Variants in CACNA1D observed in about 807,000 individuals in gnomAD.
CACNA1D encodes voltage-dependent L-type calcium channel subunit alpha-1D.
In CACNA1D, 55 loss-of-function variants were observed where a neutral mutation model predicts 257.1. The observed-to-expected ratio is 0.21, with a 90% CI of 0.17 to 0.27. The LOEUF (loss-of-function observed/expected upper bound fraction) is 0.27. CACNA1D is among the 10% of genes least tolerant of loss of function. CACNA1D has a pLI of 1.00. For missense variants in CACNA1D, 1,876 were observed against 2,784.0 expected (o/e 0.67, Z 7.34); for synonymous variants, 980 against 1,014.9 (o/e 0.97, Z 0.65).
At chr3:53,573,746 G>C (rs2092989204) in intron 3 of CACNA1D, among the ~76,000 whole-genome samples, 1 of 152,132 alleles carries the variant, frequency 6.6e-6, no homozygotes, top group Non-Finnish European at 1.5e-5. Flanking sequence ...CTCTATACAT[G>C]GTTGAATGAA....
chr3:53,643,821 C>CTTCGCCCTGAACAG (rs1256738754), intron 3 of CACNA1D, among the ~76,000 whole-genome samples: 1 of 152,194 alleles, frequency 6.6e-6, no homozygotes, highest in Non-Finnish European at 1.5e-5. Flanking sequence ...GTGGACTGCT[C>CTTCGCCCTGAACAG]TTCGCCCTGA....
At chr3:53,683,440 A>G (rs550397455) in intron 8 of CACNA1D, among the ~76,000 whole-genome samples, 2 of 152,346 alleles carry the variant, frequency 1.3e-5, no homozygotes, top group South Asian at 4.1e-4. Context: ...AATGGCCAAT[A>G]AATTAAACAC....
At position 53,811,476 on chromosome 3, in the gene CACNA1D, T is replaced by C. The variant is rs1217776783; in HGVS notation, c.*70T>C. 5 of 1,340,344 alleles carry C rather than the reference T, an allele frequency of 3.7e-6. No homozygotes were observed. The African/African-American group carries it at 4.4e-5, about 12-fold the overall frequency. The allele number at this position is 1,340,344 out of a possible 1,614,324, so 83.0% of individuals were successfully genotyped here. A position where few individuals can be genotyped will look rare whatever the true frequency, so the allele number is the denominator to read the frequency against. On this transcript the variant is annotated 3_prime_UTR_variant, in exon 48 of 48. Transcript: ENST00000350061. This position sits in a 1 kb window ranked among gnomAD's most constrained non-coding sequence, Gnocchi z 4.2. Reference sequence around the variant, plus strand: ...GGAGAGCCAGGGGAAAAGTGCCTCATAGTTAGGAAAGTTTAGGCACTAGTT... The same window carrying C: ...GGAGAGCCAGGGGAAAAGTGCCTCACAGTTAGGAAAGTTTAGGCACTAGTT...
chr3:53,649,512 C>A (rs1237822748), intron 3 of CACNA1D, among the ~76,000 whole-genome samples: 1 of 152,092 alleles, frequency 6.6e-6, no homozygotes, highest in Admixed American at 6.5e-5. Flanking sequence ...ACATTCAAAA[C>A]TTCCCCCTCC....
intron 3 of CACNA1D, among the ~76,000 whole-genome samples, chr3:53,639,656 G>A (rs2093927281): frequency 6.6e-6 from 1 of 152,074 alleles, no homozygotes; most frequent in Non-Finnish European, 1.5e-5. Context: ...AAAGTGCTGG[G>A]ATTACAGGTG....
At chr3:53,805,946 TCATCTTCCCTCCTCCTC>T (rs2095562082) in intron 45 of CACNA1D, among the ~76,000 whole-genome samples, 1 of 121,972 alleles carries the variant, frequency 8.2e-6, no homozygotes, top group Non-Finnish European at 1.7e-5. Context: ...TCCTCCTCCC[TCATCTTCCCTCCTCCTC>T]CCTCCCTCAT....
chr3:53,556,648 T>C (rs2092649760), intron 3 of CACNA1D, among the ~76,000 whole-genome samples: 1 of 152,134 alleles, frequency 6.6e-6, no homozygotes, highest in South Asian at 2.1e-4. Context: ...TTTTATCAGA[T>C]ATGTGATTTG....
intron 5 of CACNA1D, among the ~76,000 whole-genome samples, chr3:53,662,997 G>C (rs138807012): frequency 6.6e-6 from 1 of 152,296 alleles, no homozygotes; most frequent in Non-Finnish European, 1.5e-5. Flanking sequence ...CTTGTAGGAG[G>C]TAAAAATATT....
intron 3 of CACNA1D, among the ~76,000 whole-genome samples, chr3:53,524,348 C>G (rs1278672591): frequency 6.6e-6 from 1 of 152,232 alleles, no homozygotes; most frequent in Non-Finnish European, 1.5e-5. Flanking sequence ...TCTTATTTAA[C>G]AGTGGAACTT....
chr3:53,653,662 A>G (rs1168598680), intron 4 of CACNA1D, among the ~76,000 whole-genome samples: 3 of 152,184 alleles, frequency 2.0e-5, no homozygotes, highest in Non-Finnish European at 4.4e-5. Flanking sequence ...AAGAATAATG[A>G]TTGAGGAGAA....
chr3:53,736,616 G>T (rs1415717533), intron 20 of CACNA1D, among the ~76,000 whole-genome samples: 2 of 152,146 alleles, frequency 1.3e-5, no homozygotes, highest in African/African-American at 4.8e-5. Flanking sequence ...AATTGGCTGG[G>T]CGTGGTGGCT....
intron 3 of CACNA1D, among the ~76,000 whole-genome samples, chr3:53,637,408 T>C (rs2093896958): frequency 6.6e-6 from 1 of 152,116 alleles, no homozygotes; most frequent in Admixed American, 6.6e-5. Context: ...CTTTCTCACC[T>C]ACTTTGAATT....
intron 3 of CACNA1D, among the ~76,000 whole-genome samples, chr3:53,648,447 C>G (rs1192334469): frequency 1.3e-5 from 2 of 152,090 alleles, no homozygotes; most frequent in African/African-American, 4.8e-5. Flanking sequence ...TTCATTGAGG[C>G]CTTCCTGTAT....
chr3:53,783,903 C>T (rs1288362927), intron 39 of CACNA1D, among the ~76,000 whole-genome samples: 2 of 152,228 alleles, frequency 1.3e-5, no homozygotes, highest in Non-Finnish European at 2.9e-5. Context: ...GGTCAAGAAG[C>T]AGGAGACTGA....
At chr3:53,681,147 G>A (rs1169623353) in intron 8 of CACNA1D, among the ~76,000 whole-genome samples, 3 of 152,176 alleles carry the variant, frequency 2.0e-5, no homozygotes, top group South Asian at 2.1e-4. Flanking sequence ...AGCCCTTACT[G>A]ATACCATTTA....
At chr3:53,504,696 T>A (rs190988753) in intron 3 of CACNA1D, among the ~76,000 whole-genome samples, 179 of 152,168 alleles carry the variant, frequency 1.2e-3, no homozygotes, top group Middle Eastern at 3.4e-3. Context: ...TATTATTATT[T>A]TTTTTTTAGC....
intron 40 of CACNA1D, among the ~76,000 whole-genome samples, chr3:53,794,543 A>G (rs942184508): frequency 6.6e-6 from 1 of 152,206 alleles, no homozygotes; most frequent in Non-Finnish European, 1.5e-5. Context: ...AAAAAAGTCT[A>G]CACCTGAGGA....
intron 8 of CACNA1D, among the ~76,000 whole-genome samples, 177 bp from the exon 9 acceptor site, chr3:53,702,464 C>T (rs1395300737): frequency 6.6e-6 from 1 of 152,152 alleles, no homozygotes; most frequent in Non-Finnish European, 1.5e-5. Flanking sequence ...CATAGTCTTG[C>T]TTTGGAAGAC....
intron 38 of CACNA1D, 27 bp from the exon 39 acceptor site, chr3:53,781,539 T>G (rs979494207): frequency 1.3e-6 from 2 of 1,483,620 alleles, no homozygotes; most frequent in African/African-American, 2.8e-5. Context: ...TGAGGCTTGC[T>G]TTTCCCCTTT....
Sources: allele counts gnomAD v4.1 joint callset (sites outside exome capture counted in the v4.1 genomes callset), GRCh38; gene constraint gnomAD v4.1.1; non-coding constraint Gnocchi (gnomAD v3.1); transcripts MANE v1.5; gene names NCBI Gene and HGNC (gene_info 2026-07-23, HGNC 2026-07-21).